The following KIRREL3 variants were observed in gnomAD, a reference collection of about 807,000 sequenced individuals.
KIRREL3 encodes the protein kin of IRRE-like protein 3.
In KIRREL3, 36 loss-of-function variants were observed where a neutral mutation model predicts 89.7. That is an observed-to-expected ratio of 0.40 (90% CI 0.31 to 0.53). KIRREL3 has a LOEUF of 0.53. Ranked by LOEUF, KIRREL3 falls within the 20% of genes least tolerant of loss-of-function variation. The pLI, the probability that KIRREL3 is intolerant of heterozygous loss-of-function variation, is 0.49. For synonymous variants in KIRREL3, 445 were observed against 441.4 expected (o/e 1.01, Z -0.10); for missense variants, 864 against 1,056.6 (o/e 0.82, Z 2.53).
chr11:126,661,451 G>A (rs1419514502), intron 1 of KIRREL3, among the ~76,000 whole-genome samples: 1 of 152,200 alleles, frequency 6.6e-6, no homozygotes, highest in Non-Finnish European at 1.5e-5. Context: ...GAAGGAGGAG[G>A]CACATTACTC....
In KIRREL3 at chr11:126,795,828, G is replaced by A. The variant is rs761189556; in HGVS notation, c.55+204627C>T. 1.8e-4 allele frequency among the ~76,000 whole-genome samples: 27 copies of A among 152,122 alleles called. No individual in the cohort carries two copies. Among genetic ancestry groups the A allele is most frequent in the Non-Finnish European group, 3.2e-4 (22 of 68,036 alleles). ...TCTTCCCCCTGTGCACCCCAAGAGC[G>A]TACATCAGCTCTTTGGAGGGGCATG... On this transcript the variant is annotated intron_variant, in intron 1 of 16. Coordinates refer to ENST00000525144, the MANE Select transcript of KIRREL3 (RefSeq NM_032531.4). The surrounding 1 kb of genome is among the most constrained non-coding windows in gnomAD (Gnocchi z 4.1).
chr11:126,992,552 C>G (rs1187316414), intron 1 of KIRREL3: 1 of 152,216 alleles, frequency 6.6e-6, no homozygotes, highest in Non-Finnish European at 1.5e-5. Context: ...TGATGATATT[C>G]TCTACTCTTA....
chr11:126,662,217 T>A (rs530068268), intron 1 of KIRREL3, among the ~76,000 whole-genome samples: 2 of 152,126 alleles, frequency 1.3e-5, no homozygotes, highest in African/African-American at 4.8e-5. Flanking sequence ...TAGGGACCCA[T>A]AAAAGGAAAA....
rs1357527564 is a variant in KIRREL3, at chr11:126,802,468, C to T, written c.55+197987G>A. Among the ~76,000 whole-genome samples, 3 of 152,170 alleles carry T rather than the reference C, an allele frequency of 2.0e-5. No individual in the cohort carries two copies. The highest frequency in any genetic ancestry group is 4.4e-5 in the Non-Finnish European group (3 of 68,026). On this transcript the variant is annotated intron_variant, in intron 1 of 16. Coordinates refer to ENST00000525144, the MANE Select transcript of KIRREL3 (RefSeq NM_032531.4). The surrounding 1 kb of genome is among the most constrained non-coding windows in gnomAD (Gnocchi z 5.2). ...GCTGGGTCCATAGTCTGTGTGGCGT[C>T]GTTCTTCTCATGTCTGCGTGGATTT... is the stretch of plus-strand genomic sequence containing the variant.
At chr11:126,810,241 A>G (rs964458210) in intron 1 of KIRREL3, among the ~76,000 whole-genome samples, 1 of 152,180 alleles carries the variant, frequency 6.6e-6, no homozygotes, top group Non-Finnish European at 1.5e-5. Context: ...CAATCTAACA[A>G]TACAAAATAA....
At chr11:126,467,088 G>A (rs990977520) in intron 5 of KIRREL3, among the ~76,000 whole-genome samples, 7 of 152,254 alleles carry the variant, frequency 4.6e-5, no homozygotes, top group African/African-American at 1.7e-4. Context: ...GTCCGGGAAC[G>A]AGCGTGCCAG....
Position 126,954,973 on chromosome 11 carries a change from C to T in KIRREL3, c.55+45482G>A, listed in dbSNP as rs1452034222. Among the ~76,000 whole-genome samples the T allele has an allele frequency of 6.6e-6, 1 of 152,180 alleles. No homozygotes were observed. The highest frequency in any genetic ancestry group is 1.5e-5 in the Non-Finnish European group (1 of 68,042). Reference sequence around the variant, plus strand: ...TGTCACATCTGACCAGTGGTTCATACAGATGTGTTACACGTGCCCTAGCTC... The same window carrying T: ...TGTCACATCTGACCAGTGGTTCATATAGATGTGTTACACGTGCCCTAGCTC... On this transcript the variant is annotated intron_variant, in intron 1 of 16. Transcript: ENST00000525144. The surrounding 1 kb of genome is among the most constrained non-coding windows in gnomAD (Gnocchi z 4.1).
intron 2 of KIRREL3, among the ~76,000 whole-genome samples, chr11:126,546,022 T>C (rs1938789340): frequency 1.3e-5 from 2 of 152,216 alleles, no homozygotes; most frequent in African/African-American, 2.4e-5. Context: ...TGAGTGATAA[T>C]AGATACCTCT....
At chr11:126,785,326 T>G (rs1210845169) in intron 1 of KIRREL3, among the ~76,000 whole-genome samples, 1 of 152,168 alleles carries the variant, frequency 6.6e-6, no homozygotes, top group African/African-American at 2.4e-5. Context: ...ACATTAATTT[T>G]CTCCTTTTCA....
At chr11:126,613,839 C>G (rs1258722468) in intron 1 of KIRREL3, among the ~76,000 whole-genome samples, 1 of 140,304 alleles carries the variant, frequency 7.1e-6, no homozygotes, top group Non-Finnish European at 1.5e-5. Context: ...TTATTTATTT[C>G]AGATTGCATT....
rs557355147 is a variant in KIRREL3 at position 126,496,147 on chromosome 11, T to G, written c.434-22681A>C. On this transcript the variant is annotated intron_variant, in intron 4 of 16. Transcript: ENST00000525144. The surrounding 1 kb of genome is among the most constrained non-coding windows in gnomAD (Gnocchi z 4.9). Reference sequence around the variant, plus strand: ...GAGCTAAGAAATGATTCCTGTAATTTTAAGCCACTGAGCTTGGAGGTGATT... The same window carrying G: ...GAGCTAAGAAATGATTCCTGTAATTGTAAGCCACTGAGCTTGGAGGTGATT... Among the ~76,000 whole-genome samples the G allele has an allele frequency of 1.3e-5, 2 of 152,336 alleles. No individual in the cohort carries two copies. Among genetic ancestry groups the G allele is most frequent in the South Asian group, 2.1e-4 (1 of 4,824 alleles).
At chr11:126,549,622 A>G (rs1939099471) in intron 2 of KIRREL3, 1 of 152,174 alleles carries the variant, frequency 6.6e-6, no homozygotes, top group Admixed American at 6.5e-5. Context: ...CTCAGCACTC[A>G]AAGAATTCTG....
chr11:126,687,831 C>T lies in KIRREL3; in HGVS notation c.56-124919G>A, dbSNP rs1946724327. ...AGATGCGGTGAAATGGCCATGGGAG[C>T]ACAGCCTTGAAGAGACGCCTGTGCA... On this transcript the variant is annotated intron_variant, in intron 1 of 16. Coordinates refer to ENST00000525144, the MANE Select transcript of KIRREL3 (RefSeq NM_032531.4). This position sits in a 1 kb window ranked among gnomAD's most constrained non-coding sequence, Gnocchi z 4.6. 6.6e-6 allele frequency among the ~76,000 whole-genome samples: 1 copy of T among 152,184 alleles called. No homozygotes were observed. The highest frequency in any genetic ancestry group is 2.1e-4 in the South Asian group (1 of 4,828).
intron 1 of KIRREL3, among the ~76,000 whole-genome samples, chr11:126,712,972 T>TTGGGTGC (rs1312469436): frequency 0.014 from 2,135 of 152,234 alleles, 56 homozygotes; most frequent in African/African-American, 0.048. Flanking sequence ...GTGTTGAGTG[T>TTGGGTGC]TGGGTGCTAG....
intron 3 of KIRREL3, among the ~76,000 whole-genome samples, chr11:126,524,736 C>A (rs1176009584): frequency 1.3e-5 from 2 of 152,156 alleles, no homozygotes; most frequent in African/African-American, 4.8e-5. Context: ...ATGTAGCAGG[C>A]TGAAATCCCA....
rs544719809 is a variant in KIRREL3, at chr11:126,773,320, C to G, written c.56-210408G>C. Among the ~76,000 whole-genome samples, 1 of 152,036 alleles carries G rather than the reference C, an allele frequency of 6.6e-6. No individual in the cohort carries two copies. Among genetic ancestry groups the G allele is most frequent in the Non-Finnish European group, 1.5e-5 (1 of 68,006 alleles). On this transcript the variant is annotated intron_variant, in intron 1 of 16. Transcript: ENST00000525144. The surrounding 1 kb of genome is among the most constrained non-coding windows in gnomAD (Gnocchi z 4.2). ...TCGGCTTTGTCCCATCAGTTCAGGG[C>G]CAGAGTAGAACAAAAGGCTGGCCTC...
rs1955037602 is a variant in KIRREL3 at position 126,429,060 on chromosome 11, G to C, written c.1806+119C>G. The C allele has an allele frequency of 4.6e-6, 3 of 655,112 alleles. No homozygotes were observed. Among genetic ancestry groups the C allele is most frequent in the African/African-American group, 1.8e-5 (1 of 55,238 alleles). 40.6% of individuals were successfully genotyped at this position (655,112 alleles called of 1,614,324 possible). On this transcript the variant is annotated intron_variant, in intron 15 of 16. Coordinates refer to ENST00000525144, the MANE Select transcript of KIRREL3 (RefSeq NM_032531.4). This position sits in a 1 kb window ranked among gnomAD's most constrained non-coding sequence, Gnocchi z 5.2. ...GCCTCACCTATTGTGGGGTGGGCAG[G>C]GGGCATCTTGAACGCTGCTCTGCTT...
intron 1 of KIRREL3, among the ~76,000 whole-genome samples, chr11:126,758,351 A>G (rs1303274948): frequency 6.6e-6 from 1 of 152,200 alleles, no homozygotes; most frequent in Non-Finnish European, 1.5e-5. Context: ...TTTGTTCTGC[A>G]TCAAGTAATT....
intron 5 of KIRREL3, among the ~76,000 whole-genome samples, chr11:126,470,727 G>C (rs1180845749): frequency 6.6e-6 from 1 of 152,162 alleles, no homozygotes; most frequent in African/African-American, 2.4e-5. Context: ...GCGGAGCTTG[G>C]GGGACCGGCT....
Sources: gnomAD v4.1 joint callset for allele counts (sites outside exome capture counted in the v4.1 genomes callset) on GRCh38, gnomAD v4.1.1 for gene constraint, Gnocchi (gnomAD v3.1) non-coding constraint, MANE v1.5 for transcripts, NCBI Gene and HGNC (gene_info 2026-07-23, HGNC 2026-07-21) for gene names.